Variants in CHD2 observed in about 807,000 individuals in gnomAD.
CHD2 encodes chromodomain helicase DNA binding protein 2.
In CHD2, 28 loss-of-function variants were observed where a neutral mutation model predicts 243.9. The ratio of observed to expected loss-of-function variants is 0.11; its 90% CI spans 0.09 to 0.16. The LOEUF is 0.16. Among genes scored for constraint, CHD2 ranks in the 10% least tolerant of loss-of-function variants. The pLI, the probability that CHD2 is intolerant of heterozygous loss-of-function variation, is 1.00. For synonymous variants in CHD2, 775 were observed against 779.0 expected, an observed-to-expected ratio of 0.99 and a Z score of 0.09; for missense variants, 1,386 against 2,209.8, an observed-to-expected ratio of 0.63 and a Z score of 7.47.
At chr15:92,925,135 C>T (rs548352988) in intron 3 of CHD2, among the ~76,000 whole-genome samples, 5 of 152,140 alleles carry the variant, frequency 3.3e-5, no homozygotes, top group South Asian at 2.1e-4. Flanking sequence ...TGAGCAGTTC[C>T]GGAAAGTTAA....
In CHD2 at chr15:92,946,170, T is replaced by C; in HGVS notation, c.1331T>C (p.Phe444Ser). ...GKKFQNCIDSFHSRNNSKTIP... is the reference protein window; with the variant it reads ...GKKFQNCIDSSHSRNNSKTIP... Reference sequence around the variant, plus strand: ...AAATTCCAGAATTGCATTGACAGCTTCCACAGTAGGAACAACTCAAAAACC... The same window carrying C: ...AAATTCCAGAATTGCATTGACAGCTCCCACAGTAGGAACAACTCAAAAACC... The change falls in exon 12 of 39, where the codon TTC (phenylalanine) becomes TCC (serine). Residue 444 changes from phenylalanine (F) to serine (S), a missense_variant. By Grantham distance (155) the Phe-to-Ser change is radical. This residue lies in a region of CHD2 where 200 missense variants were observed against 292.5 expected (regional missense o/e 0.68). Transcript: ENST00000394196. 1 of 1,613,652 alleles carries C rather than the reference T, an allele frequency of 6.2e-7. No individual in the cohort carries two copies. Among genetic ancestry groups the C allele is most frequent in the Non-Finnish European group, 8.5e-7 (1 of 1,179,724 alleles).
chr15:92,903,411 AGTATCTGGAAAGAAT>A (rs2052558310), intron 2 of CHD2, among the ~76,000 whole-genome samples: 2 of 152,230 alleles, frequency 1.3e-5, no homozygotes, highest in African/African-American at 2.4e-5. Context: ...GAATTACTTT[AGTATCTGGAAAGAAT>A]GAGTGCAAGT....
chr15:92,966,051 T>C (rs1157140886), intron 16 of CHD2, among the ~76,000 whole-genome samples: 1 of 151,472 alleles, frequency 6.6e-6, no homozygotes, highest in Non-Finnish European at 1.5e-5. Context: ...GTTTTCTTTC[T>C]TTCTTTTTTC....
intron 24 of CHD2, among the ~76,000 whole-genome samples, chr15:92,983,302 CTTAAG>C (rs978242980): frequency 1.3e-5 from 2 of 152,220 alleles, no homozygotes; most frequent in Non-Finnish European, 2.9e-5. Flanking sequence ...CAAGCACTAT[CTTAAG>C]TTAAGGGCCA....
chr15:93,008,087 T>TA (rs1260244947), intron 34 of CHD2, among the ~76,000 whole-genome samples: 2 of 152,236 alleles, frequency 1.3e-5, no homozygotes, highest in Admixed American at 1.3e-4. Context: ...TTCTGACAGA[T>TA]AGTCAGGATC....
chr15:92,914,018 G>A (rs889653442), intron 2 of CHD2, among the ~76,000 whole-genome samples: 4 of 152,152 alleles, frequency 2.6e-5, no homozygotes, highest in Non-Finnish European at 5.9e-5. Context: ...TATTGGGATT[G>A]GTAATCAGAT....
chr15:92,984,426 G>A lies in CHD2; in HGVS notation c.3163G>A (p.Val1055Ile). ...CATTCCAGAGGAACAAAGGAAAAAAGTAGAGGAGGAAGAGCGGCAGAAGGA... is the reference window on the plus strand; with the variant it reads ...CATTCCAGAGGAACAAAGGAAAAAAATAGAGGAGGAAGAGCGGCAGAAGGA... ...EIIPEEQRKK[V>I]EEEERQKELE... is the part of the protein sequence containing the mutation. Residue 1055 changes from valine to isoleucine, a missense_variant, in exon 25 of 39, where the codon GTA becomes ATA. Physicochemically the swap from Val to Ile is conservative, Grantham distance 29. Transcript: ENST00000394196. The A allele has an allele frequency of 1.9e-6, 3 of 1,613,056 alleles. No homozygotes were observed. The highest frequency in any genetic ancestry group is 2.5e-6 in the Non-Finnish European group (3 of 1,179,466).
Position 92,972,998 on chromosome 15 carries a change from T to TA in CHD2, c.2505+588dup, listed in dbSNP as rs577352971. On this transcript the variant is annotated intron_variant, in intron 19 of 38. Coordinates refer to ENST00000394196, the MANE Select transcript of CHD2 (RefSeq NM_001271.4). The stretch of plus-strand genomic sequence containing the variant: ...TTAGAGAAAGTCAAACGGGGCAAGA[T>TA]AAAAAAAGGATGTCAGATGGCATCT... 3.2e-3 allele frequency among the ~76,000 whole-genome samples: 490 copies of TA among 152,004 alleles called. 1 individual carries two copies. Among genetic ancestry groups the TA allele is most frequent in the Admixed American group, 5.6e-3 (86 of 15,254 alleles).
In CHD2 at chr15:92,972,014, G is replaced by A. The variant is rs2053847997; in HGVS notation, c.2352+87G>A. 3.6e-6 allele frequency: 5 copies of A among 1,383,354 alleles called. No homozygotes were observed. The East Asian group carries it at 1.2e-4, about 33-fold the overall frequency. 85.7% of individuals were successfully genotyped at this position (1,383,354 alleles called of 1,614,324 possible). A position where few individuals can be genotyped will look rare whatever the true frequency, so the allele number is the denominator to read the frequency against. On this transcript the variant is annotated intron_variant, in intron 18 of 38. Coordinates refer to ENST00000394196, the MANE Select transcript of CHD2 (RefSeq NM_001271.4). ...ATCAGAATGCTCTATTTCCTTGTTG[G>A]TGACCTATCAAGGATCATCAAAGGA...
At chr15:92,921,717 AGG>A (rs967125490) in intron 2 of CHD2, among the ~76,000 whole-genome samples, 1 of 152,132 alleles carries the variant, frequency 6.6e-6, no homozygotes, top group Non-Finnish European at 1.5e-5. Context: ...CTGTTTGGGT[AGG>A]GCTTTGGCAT....
chr15:92,917,100 T>C (rs1416415399), intron 2 of CHD2, among the ~76,000 whole-genome samples: 1 of 152,240 alleles, frequency 6.6e-6, no homozygotes, highest in Non-Finnish European at 1.5e-5. Context: ...GTTGTGTATC[T>C]ATATACTTTG....
intron 2 of CHD2, among the ~76,000 whole-genome samples, chr15:92,914,479 T>C (rs1226795353): frequency 3.9e-5 from 6 of 152,094 alleles, no homozygotes; most frequent in East Asian, 1.9e-4. Context: ...AAACTACTTA[T>C]ATTTGGTTAT....
At position 93,026,859 on chromosome 15, in the gene CHD2, AAGG is replaced by A. The variant is rs1473391230; in HGVS notation, c.*2158_*2160del. On this transcript the variant is annotated 3_prime_UTR_variant, in exon 39 of 39. Coordinates refer to ENST00000394196, the MANE Select transcript of CHD2 (RefSeq NM_001271.4). ...GTTGGGTAGTGTCCTTCAGGAATGA[AAGG>A]AGGGGCAAAGGAGTCACCAGAGGTC... The A allele has an allele frequency of 6.6e-6, 1 of 152,646 alleles. No homozygotes were observed. Among genetic ancestry groups the A allele is most frequent in the Non-Finnish European group, 1.5e-5 (1 of 68,074 alleles). The allele number at this position is 152,646 out of a possible 1,614,324, so 9.5% of individuals were successfully genotyped here.
At chr15:92,912,335 C>T (rs1009789443) in intron 2 of CHD2, among the ~76,000 whole-genome samples, 2 of 152,122 alleles carry the variant, frequency 1.3e-5, no homozygotes, top group East Asian at 1.9e-4. Context: ...TCTGCCGTCT[C>T]GGGGAATAGT....
intron 37 of CHD2, among the ~76,000 whole-genome samples, chr15:93,019,408 C>T (rs557687383): frequency 6.6e-6 from 1 of 152,096 alleles, no homozygotes; most frequent in Non-Finnish European, 1.5e-5. Flanking sequence ...GTTAAGATTT[C>T]AGAAGGAGAG....
At chr15:92,969,361 T>C (rs2053809809) in intron 17 of CHD2, among the ~76,000 whole-genome samples, 1 of 152,248 alleles carries the variant, frequency 6.6e-6, no homozygotes, top group African/African-American at 2.4e-5. Context: ...CCGCAATCCC[T>C]GTCCTCAGGC....
At chr15:92,931,339 T>C (rs772890817) in intron 5 of CHD2, among the ~76,000 whole-genome samples, 4 of 152,186 alleles carry the variant, frequency 2.6e-5, no homozygotes, top group Non-Finnish European at 5.9e-5. Flanking sequence ...CTTATATACT[T>C]TACCCAGATT....
chr15:92,995,901 C>T (rs1032130369), intron 28 of CHD2, among the ~76,000 whole-genome samples: 1 of 152,140 alleles, frequency 6.6e-6, no homozygotes, highest in Non-Finnish European at 1.5e-5. Flanking sequence ...TATTGTTAAA[C>T]GTTTGGAGTT....
rs146822678 is a variant in CHD2, at chr15:92,939,834, C to G, written c.692+116C>G. 4.6e-3 allele frequency: 5,137 copies of G among 1,116,790 alleles called. 261 individuals are homozygous for G. In the Admixed American group the frequency reaches 0.1, roughly 22 times the overall value. 69.2% of individuals were successfully genotyped at this position (1,116,790 alleles called of 1,614,324 possible). A position where few individuals can be genotyped will look rare whatever the true frequency, so the allele number is the denominator to read the frequency against. On this transcript the variant is annotated intron_variant, in intron 7 of 38. Coordinates refer to ENST00000394196, the MANE Select transcript of CHD2 (RefSeq NM_001271.4). ...AATAGATAAAAATAACAGCCTATGT[C>G]CTGAAGTTGTTTTCAGAAATCTGGT...
Sources: gnomAD v4.1 joint callset for allele counts (sites outside exome capture counted in the v4.1 genomes callset) on GRCh38, gnomAD v4.1.1 for gene constraint, gnomAD v4.1.1 regional missense constraint, MANE v1.5 for transcripts, NCBI Gene and HGNC (gene_info 2026-07-23, HGNC 2026-07-21) for gene names.